EIF4G3: variants seen among roughly 807,000 people sequenced by gnomAD.
EIF4G3 encodes eIF-4-gamma 3.
In EIF4G3, 34 loss-of-function variants were observed where a neutral mutation model predicts 186.4. The ratio of observed to expected loss-of-function variants is 0.18; its 90% confidence interval spans 0.14 to 0.24. The LOEUF (loss-of-function observed/expected upper bound fraction) is 0.24. Ranked by LOEUF, EIF4G3 falls within the 10% of genes least tolerant of loss-of-function variation. The pLI, the probability that EIF4G3 is intolerant of heterozygous loss-of-function variation, is 1.00. For synonymous variants in EIF4G3, 673 were observed against 679.5 expected, an observed-to-expected ratio of 0.99 and a Z score of 0.15; for missense variants, 1,536 against 1,948.5, an observed-to-expected ratio of 0.79 and a Z score of 3.99.
chr1:20,934,334 C>G (rs146969560), intron 14 of EIF4G3, among the ~76,000 whole-genome samples: 5 of 152,034 alleles, frequency 3.3e-5, no homozygotes, highest in African/African-American at 1.2e-4. Flanking sequence ...GAAAAAGATA[C>G]CATTTAAGTG....
intron 18 of EIF4G3, 139 bp from the exon 19 acceptor site, chr1:20,886,510 C>G: frequency 1.5e-6 from 1 of 681,084 alleles, no homozygotes. Flanking sequence ...TGGAGGTAAT[C>G]TTTTTTGGGG....
At chr1:20,817,586 G>A in intron 33 of EIF4G3, 48 bp from the exon 34 acceptor site, 1 of 1,223,446 alleles carries the variant, frequency 8.2e-7, no homozygotes, top group Non-Finnish European at 1.1e-6. Context: ...ATAATTCTAT[G>A]TTATTGTCAT....
rs2089694862 is a variant in EIF4G3 at position 20,899,841 on chromosome 1, T to C, written c.1855A>G (p.Lys619Glu). 1.9e-6 allele frequency: 3 copies of C among 1,614,068 alleles called. No homozygotes were observed. Among genetic ancestry groups the C allele is most frequent in the East Asian group, 4.5e-5 (2 of 44,886 alleles). ...HPERDPSDLKKVKAVEENGEE... is the reference protein window; with the variant it reads ...HPERDPSDLKEVKAVEENGEE... Reference sequence around the variant, plus strand: ...CCATTTTCTTCCACAGCTTTCACTTTTTTTAGGTCAGAGGGGTCTCTTTCA... The same window carrying C: ...CCATTTTCTTCCACAGCTTTCACTTCTTTTAGGTCAGAGGGGTCTCTTTCA... The change falls in exon 16 of 37, where the codon AAA becomes GAA. Residue 619 changes from lysine to glutamate, a missense_variant. Lys to Glu is a moderately conservative substitution (Grantham distance 56, BLOSUM62 1). This residue lies in a region of EIF4G3 where 560 missense variants were observed against 547.8 expected (regional missense o/e 1.02). Transcript: ENST00000602326.
intron 11 of EIF4G3, among the ~76,000 whole-genome samples, chr1:20,971,350 C>T (rs2075851893): frequency 6.6e-6 from 1 of 152,204 alleles, no homozygotes; most frequent in East Asian, 1.9e-4. Context: ...AAAATTATTT[C>T]TAATAAAGTT....
At chr1:21,045,186 G>A (rs1456466749) in intron 4 of EIF4G3, among the ~76,000 whole-genome samples, 1 of 152,132 alleles carries the variant, frequency 6.6e-6, no homozygotes, top group Non-Finnish European at 1.5e-5. Context: ...GAACAATTAT[G>A]AGACAACACA....
At chr1:21,042,309 A>G (rs2093630205) in intron 4 of EIF4G3, among the ~76,000 whole-genome samples, 1 of 152,162 alleles carries the variant, frequency 6.6e-6, no homozygotes, top group African/African-American at 2.4e-5. Flanking sequence ...GTCGTTCTAT[A>G]TATCAATTTA....
Position 20,879,304 on chromosome 1 carries a change from C to T in EIF4G3, c.2622+19G>A. 1.3e-6 allele frequency: 2 copies of T among 1,549,180 alleles called. No individual in the cohort carries two copies. The highest frequency in any genetic ancestry group is 2.4e-5 in the East Asian group (1 of 41,768). ...TACCTCTTGAAGATTTCTCGTTTTA[C>T]TCCTTCCTCTCTTCTTACCGTTACT... is the stretch of plus-strand genomic sequence containing the variant. On this transcript the variant is annotated intron_variant, in intron 20 of 36. Coordinates refer to ENST00000602326, the MANE Select transcript of EIF4G3 (RefSeq NM_001391906.1).
chr1:20,882,084 G>A (rs2082512452), intron 19 of EIF4G3, among the ~76,000 whole-genome samples: 1 of 151,516 alleles, frequency 6.6e-6, no homozygotes, highest in African/African-American at 2.4e-5. Context: ...GATCGCTTGA[G>A]CCTGGGAGGT....
At chr1:20,981,355 A>G in intron 8 of EIF4G3, 128 bp from the exon 9 acceptor site, 1 of 682,686 alleles carries the variant, frequency 1.5e-6, no homozygotes, top group Non-Finnish European at 2.3e-6. Context: ...TATGCATAAA[A>G]AGAATAAATT....
chr1:21,055,736 T>C (rs2094532635), intron 3 of EIF4G3, among the ~76,000 whole-genome samples: 1 of 151,778 alleles, frequency 6.6e-6, no homozygotes, highest in African/African-American at 2.4e-5. Flanking sequence ...CAGGTAGAAA[T>C]AGCAACCAAT....
chr1:21,104,157 C>A (rs1304440481), intron 2 of EIF4G3, among the ~76,000 whole-genome samples: 2 of 152,090 alleles, frequency 1.3e-5, no homozygotes, highest in Admixed American at 6.6e-5. Context: ...CCTTTCTGGC[C>A]CTCAAACTAG....
chr1:20,980,350 G>C lies in EIF4G3; in HGVS notation c.477C>G (p.Asp159Glu). The change falls in exon 10 of 37, where the codon GAC (aspartate) becomes GAG (glutamate). Residue 159 changes from aspartate to glutamate, a missense_variant. Around this residue, in one of 11 missense-constraint regions of EIF4G3, gnomAD observed 194 missense variants for 212.8 expected, o/e 0.91. Transcript: ENST00000602326. ...GPFYPGPGPG[D>E]FPNAYGTPFY... Reference sequence around the variant, plus strand: ...CCTACTTACCATAAGCATTGGGGAAGTCCCCAGGTCCTGGTCCAGGATAAA... The same window carrying C: ...CCTACTTACCATAAGCATTGGGGAACTCCCCAGGTCCTGGTCCAGGATAAA... 6.5e-7 allele frequency: 1 copy of C among 1,549,558 alleles called. No individual in the cohort carries two copies. Among genetic ancestry groups the C allele is most frequent in the East Asian group, 2.5e-5 (1 of 40,476 alleles).
intron 2 of EIF4G3, among the ~76,000 whole-genome samples, chr1:21,140,372 A>T (rs1356706506): frequency 6.6e-6 from 1 of 152,062 alleles, no homozygotes; most frequent in Non-Finnish European, 1.5e-5. Flanking sequence ...GGAGTGCAGT[A>T]GCGTGATCTC....
At chr1:21,048,449 T>C (rs2094019156) in intron 4 of EIF4G3, among the ~76,000 whole-genome samples, 1 of 152,050 alleles carries the variant, frequency 6.6e-6, no homozygotes, top group Non-Finnish European at 1.5e-5. Context: ...GGAAAGGGTT[T>C]TGCTCCCTGG....
At chr1:21,075,182 T>C in intron 3 of EIF4G3, among the ~76,000 whole-genome samples, 1 of 152,232 alleles carries the variant, frequency 6.6e-6, no homozygotes, top group Admixed American at 6.5e-5. Context: ...ACCATGAATG[T>C]AAATGAATTA....
At chr1:21,079,823 C>A (rs1054798380) in intron 3 of EIF4G3, among the ~76,000 whole-genome samples, 1 of 151,596 alleles carries the variant, frequency 6.6e-6, no homozygotes, top group Admixed American at 6.6e-5. Context: ...CTGGGCAACA[C>A]AACAAGATCT....
chr1:20,898,888 G>A (rs764679628), intron 16 of EIF4G3, among the ~76,000 whole-genome samples: 4 of 152,098 alleles, frequency 2.6e-5, no homozygotes, highest in Non-Finnish European at 5.9e-5. Flanking sequence ...GTGCCACCAC[G>A]CCCAGCTTAT....
chr1:20,998,509 T>G (rs2082796165), intron 6 of EIF4G3, among the ~76,000 whole-genome samples: 1 of 152,180 alleles, frequency 6.6e-6, no homozygotes, highest in African/African-American at 2.4e-5. Flanking sequence ...TACTTGAAAG[T>G]GGCTAATATA....
At chr1:21,128,148 A>G (rs936145713) in intron 2 of EIF4G3, among the ~76,000 whole-genome samples, 4 of 151,488 alleles carry the variant, frequency 2.6e-5, no homozygotes, top group East Asian at 1.9e-4. Flanking sequence ...TGGAGCTTGC[A>G]GTGAGCCAAG....
Sources: allele counts gnomAD v4.1 joint callset (sites outside exome capture counted in the v4.1 genomes callset), GRCh38; gene constraint gnomAD v4.1.1; regional missense constraint gnomAD v4.1.1; transcripts MANE v1.5; gene names NCBI Gene and HGNC (gene_info 2026-07-23, HGNC 2026-07-21).